Variants in PTPN9 observed in about 807,000 individuals in gnomAD.
PTPN9 encodes tyrosine-protein phosphatase non-receptor type 9.
PTPN9 carries 26 observed loss-of-function variants against 69.8 expected under a neutral mutation model. The observed-to-expected ratio is 0.37, with a 90% CI of 0.27 to 0.52. The LOEUF is 0.52. Among genes scored for constraint, PTPN9 ranks in the 20% least tolerant of loss-of-function variants. The probability of loss-of-function intolerance (pLI) is 0.91; values close to 1 mark genes in which losing one functional copy is unlikely to be tolerated. For synonymous variants in PTPN9, 274 were observed against 272.5 expected (o/e 1.01, Z -0.05); for missense variants, 549 against 740.3 (o/e 0.74, Z 3.00).
rs2074833616 is a variant in PTPN9 at position 75,509,034 on chromosome 15, A to G, written c.529-7T>C. On this transcript the variant is annotated splice_polypyrimidine_tract_variant and splice_region_variant and intron_variant, in intron 5 of 12. Coordinates refer to ENST00000618819, the MANE Select transcript of PTPN9 (RefSeq NM_002833.4). ...AACGAGCTGGAAATGCTCCCTGTGG[A>G]GAAAACACATGAGGATTTAAGTGTA... The G allele has an allele frequency of 1.9e-6, 3 of 1,610,308 alleles. No individual in the cohort carries two copies. The highest frequency in any genetic ancestry group is 3.3e-5 in the Admixed American group (2 of 59,970).
intron 8 of PTPN9, among the ~76,000 whole-genome samples, chr15:75,488,278 T>G (rs1403305697): frequency 2.0e-5 from 3 of 151,786 alleles, no homozygotes; most frequent in Non-Finnish European, 4.4e-5. Flanking sequence ...CGAAACTCTG[T>G]CTCAAAATAA....
intron 1 of PTPN9, among the ~76,000 whole-genome samples, chr15:75,574,942 CAA>C (rs771896991): frequency 2.4e-3 from 64 of 27,034 alleles, no homozygotes; most frequent in African/African-American, 3.8e-3. Flanking sequence ...AACTCTGTCT[CAA>C]AAAAAAAAAA....
At chr15:75,491,952 G>A (rs2074713408) in intron 7 of PTPN9, among the ~76,000 whole-genome samples, 1 of 152,160 alleles carries the variant, frequency 6.6e-6, no homozygotes, top group Non-Finnish European at 1.5e-5. Context: ...GGTCGCCCAG[G>A]CTGGAGTCCA....
rs116403323 is a variant in PTPN9, at chr15:75,561,740, G to A, written c.63+16974C>T. Among the ~76,000 whole-genome samples, 937 of 151,798 alleles carry A rather than the reference G, an allele frequency of 6.2e-3. 14 individuals carry two copies. Among genetic ancestry groups the A allele is most frequent in the African/African-American group, 0.021 (854 of 41,386 alleles). The stretch of plus-strand genomic sequence containing the variant: ...TTACTTTTATTTGAGAAAGAGTTTC[G>A]CTTTTGTTGTCCAGGCTGGAGTGCA... On this transcript the variant is annotated intron_variant, in intron 1 of 12. Transcript: ENST00000618819.
chr15:75,528,383 T>G (rs940228193), intron 1 of PTPN9, among the ~76,000 whole-genome samples: 2 of 126,570 alleles, frequency 1.6e-5, no homozygotes, highest in Non-Finnish European at 3.7e-5. Flanking sequence ...AAATTGGGAT[T>G]TTTTTTTTTC....
chr15:75,525,584 AAT>A (rs1008566712), intron 2 of PTPN9, among the ~76,000 whole-genome samples: 3 of 151,518 alleles, frequency 2.0e-5, no homozygotes, highest in African/African-American at 7.3e-5. Flanking sequence ...ATAACAAAAA[AAT>A]ATTATCTTGG....
intron 7 of PTPN9, among the ~76,000 whole-genome samples, chr15:75,504,737 C>T (rs1356672117): frequency 4.7e-5 from 7 of 148,146 alleles, no homozygotes; most frequent in African/African-American, 1.7e-4. Flanking sequence ...TCTGCCCGGC[C>T]GCCCCTACTG....
chr15:75,509,976 C>T (rs2074838040), intron 5 of PTPN9, among the ~76,000 whole-genome samples: 1 of 152,156 alleles, frequency 6.6e-6, no homozygotes, highest in Admixed American at 6.5e-5. Context: ...AAGAGCGAAA[C>T]TCCATCTCAA....
At chr15:75,520,865 A>C (rs2074901225) in intron 4 of PTPN9, among the ~76,000 whole-genome samples, 2 of 152,002 alleles carry the variant, frequency 1.3e-5, no homozygotes, top group African/African-American at 4.8e-5. Flanking sequence ...GTGCAGTGGC[A>C]CAATCATGGC....
intron 6 of PTPN9, among the ~76,000 whole-genome samples, chr15:75,507,446 C>CAAAA (rs762520293): frequency 3.4e-5 from 3 of 89,170 alleles, no homozygotes; most frequent in East Asian, 3.3e-4. Flanking sequence ...AACTCTGTCG[C>CAAAA]AAAAAAAAAA....
Position 75,473,778 on chromosome 15 carries a change from A to C in PTPN9, c.1130-11T>G. The C allele has an allele frequency of 6.5e-7, 1 of 1,545,574 alleles. No homozygotes were observed. Among genetic ancestry groups the C allele is most frequent in the Non-Finnish European group, 8.9e-7 (1 of 1,118,360 alleles). On this transcript the variant is annotated splice_polypyrimidine_tract_variant and intron_variant, in intron 9 of 12. Coordinates refer to ENST00000618819, the MANE Select transcript of PTPN9 (RefSeq NM_002833.4). ...TATTCTCCAAAGGACCTGAAATAAA[A>C]GGAGAAGACAAGAAACATGACTCTG... is the stretch of plus-strand genomic sequence containing the variant.
intron 1 of PTPN9, among the ~76,000 whole-genome samples, chr15:75,559,730 C>G (rs1457121032): frequency 1.6e-5 from 2 of 126,702 alleles, no homozygotes; most frequent in Non-Finnish European, 3.2e-5. Flanking sequence ...ATGACCCTGC[C>G]AAATCCCCCT....
At chr15:75,499,594 C>T (rs183042818) in intron 7 of PTPN9, among the ~76,000 whole-genome samples, 3 of 151,518 alleles carry the variant, frequency 2.0e-5, no homozygotes, top group Non-Finnish European at 2.9e-5. Context: ...TTAGAAGAGA[C>T]GGGGTTTCAC....
In PTPN9 at chr15:75,540,842, C is replaced by T. The variant is rs138854497; in HGVS notation, c.64-13581G>A. On this transcript the variant is annotated intron_variant, in intron 1 of 12. Coordinates refer to ENST00000618819, the MANE Select transcript of PTPN9 (RefSeq NM_002833.4). The stretch of plus-strand genomic sequence containing the variant: ...CCCGTAATCCAAGCACTTTGGGAAG[C>T]TGAGGTGGGAGGATCGCTTGAGCCC... Among the ~76,000 whole-genome samples the T allele has an allele frequency of 5.5e-3, 832 of 151,846 alleles. 7 individuals carry two copies. Among genetic ancestry groups the T allele is most frequent in the African/African-American group, 0.019 (783 of 41,448 alleles).
At position 75,553,755 on chromosome 15, in the gene PTPN9, G is replaced by C. The variant is rs549280005; in HGVS notation, c.63+24959C>G. 7.2e-5 allele frequency among the ~76,000 whole-genome samples: 11 copies of C among 152,200 alleles called. No individual in the cohort carries two copies. In the South Asian group the frequency reaches 2.3e-3, roughly 32 times the overall value. ...TGGCCCTGACCTGCAGATTATACTT[G>C]ATGCTAATCTGCACCAAATCTAACT... On this transcript the variant is annotated intron_variant, in intron 1 of 12. Coordinates refer to ENST00000618819, the MANE Select transcript of PTPN9 (RefSeq NM_002833.4).
intron 7 of PTPN9, among the ~76,000 whole-genome samples, chr15:75,494,653 T>G (rs1371846028): frequency 6.6e-6 from 1 of 151,868 alleles, no homozygotes; most frequent in Non-Finnish European, 1.5e-5. Flanking sequence ...GTGCCCAGCC[T>G]CTCTCAATCC....
At chr15:75,566,779 G>C (rs528472973) in intron 1 of PTPN9, among the ~76,000 whole-genome samples, 1 of 152,012 alleles carries the variant, frequency 6.6e-6, no homozygotes, top group Non-Finnish European at 1.5e-5. Context: ...CTTGAGCTCA[G>C]GAATTTCAGA....
intron 4 of PTPN9, among the ~76,000 whole-genome samples, chr15:75,518,903 A>G (rs1344112518): frequency 3.3e-5 from 5 of 152,026 alleles, no homozygotes; most frequent in East Asian, 1.9e-4. Context: ...CCTCAGTCCA[A>G]TTTCCCAGAT....
intron 4 of PTPN9, among the ~76,000 whole-genome samples, chr15:75,520,876 G>A (rs1420870038): frequency 6.6e-6 from 1 of 151,994 alleles, no homozygotes; most frequent in East Asian, 1.9e-4. Flanking sequence ...CAATCATGGC[G>A]CACTGTAGCC....
Sources: gnomAD v4.1 joint callset for allele counts (sites outside exome capture counted in the v4.1 genomes callset) on GRCh38, gnomAD v4.1.1 for gene constraint, MANE v1.5 for transcripts, NCBI Gene and HGNC (gene_info 2026-07-23, HGNC 2026-07-21) for gene names.